Variants in CBFA2T3 observed in about 807,000 individuals in gnomAD.
CBFA2T3 encodes the protein CBFA2/RUNX1 partner transcriptional co-repressor 3, also known as transcriptional corepressor CBFA2T3.
Under a neutral mutation model 58.6 loss-of-function variants are expected in CBFA2T3, and 31 were observed. The observed-to-expected ratio is 0.53, with a 90% CI of 0.40 to 0.71. The LOEUF (loss-of-function observed/expected upper bound fraction) is 0.71. Among genes scored for constraint, CBFA2T3 ranks in the 30% least tolerant of loss-of-function variants. The pLI, the probability that CBFA2T3 is intolerant of heterozygous loss-of-function variation, is 0.00. For missense variants in CBFA2T3, 1,076 were observed against 963.1 expected (o/e 1.12, Z -1.55); for synonymous variants, 531 against 421.9 (o/e 1.26, Z -3.17).
chr16:88,975,720 T>C (rs552264876), intron 1 of CBFA2T3, among the ~76,000 whole-genome samples: 163 of 152,346 alleles, frequency 1.1e-3, no homozygotes, highest in Non-Finnish European at 2.0e-3. Context: ...GGGGCCCTTG[T>C]GGGGGATGGC....
At chr16:88,894,336 GCACACATGCACA>G (rs1969782203) in intron 3 of CBFA2T3, among the ~76,000 whole-genome samples, 1 of 31,090 alleles carries the variant, frequency 3.2e-5, no homozygotes, top group Admixed American at 4.0e-4. Context: ...ACACATGCAC[GCACACATGCACA>G]CACACATGCA....
chr16:88,942,864 T>C (rs1971790515), intron 1 of CBFA2T3, among the ~76,000 whole-genome samples: 1 of 150,242 alleles, frequency 6.7e-6, no homozygotes, highest in Non-Finnish European at 1.5e-5. Context: ...GTGCGTAACA[T>C]GGTGCTTGCC....
chr16:88,892,785 G>A (rs984420399), intron 3 of CBFA2T3, among the ~76,000 whole-genome samples: 7 of 152,200 alleles, frequency 4.6e-5, no homozygotes, highest in African/African-American at 1.7e-4. Flanking sequence ...CTTTGCCCCA[G>A]GTCCCCAATG....
intron 1 of CBFA2T3, among the ~76,000 whole-genome samples, chr16:88,956,407 G>T (rs1208315252): frequency 6.6e-6 from 1 of 152,254 alleles, no homozygotes; most frequent in Non-Finnish European, 1.5e-5. Flanking sequence ...AGGGCTCTCT[G>T]CTCTTTGAGC....
intron 5 of CBFA2T3, among the ~76,000 whole-genome samples, chr16:88,887,731 C>T (rs146038413): frequency 8.9e-4 from 136 of 152,190 alleles, no homozygotes; most frequent in African/African-American, 3.2e-3. Flanking sequence ...CCAGGGCACC[C>T]GGGGAGGTGT....
chr16:88,890,620 G>A (rs1176087866), intron 5 of CBFA2T3, among the ~76,000 whole-genome samples: 3 of 152,250 alleles, frequency 2.0e-5, no homozygotes, highest in Middle Eastern at 3.2e-3. Context: ...GACCCGCAGA[G>A]ATGGCAGTCT....
At position 88,875,989 on chromosome 16, in the gene CBFA2T3, C is replaced by T. The variant is rs754486873; in HGVS notation, c.*987G>A. ...AGAACAAAAGTCGCTTCTAACTGGG[C>T]ACAAACCCTCTGCACCCAAATATCC... On this transcript the variant is annotated 3_prime_UTR_variant, in exon 12 of 12. Transcript: ENST00000268679. 4.3e-6 allele frequency: 1 copy of T among 233,034 alleles called. No individual in the cohort carries two copies. Among genetic ancestry groups the T allele is most frequent in the South Asian group, 1.8e-4 (1 of 5,532 alleles). 14.4% of individuals were successfully genotyped at this position (233,034 alleles called of 1,614,324 possible). A position where few individuals can be genotyped will look rare whatever the true frequency, so the allele number is the denominator to read the frequency against.
chr16:88,945,224 C>G (rs1971872278), intron 1 of CBFA2T3, among the ~76,000 whole-genome samples: 1 of 152,124 alleles, frequency 6.6e-6, no homozygotes, highest in Non-Finnish European at 1.5e-5. Context: ...GTCTTAAACA[C>G]CTGCATTTTC....
chr16:88,938,975 G>C (rs927774279), intron 1 of CBFA2T3: 1 of 152,144 alleles, frequency 6.6e-6, no homozygotes, highest in African/African-American at 2.4e-5. Flanking sequence ...CCCAGAGGCG[G>C]CAGCGGCGAG....
chr16:88,959,357 G>A (rs756481670), intron 1 of CBFA2T3, among the ~76,000 whole-genome samples: 2 of 152,198 alleles, frequency 1.3e-5, no homozygotes, highest in African/African-American at 2.4e-5. Context: ...TCCTGGCGAT[G>A]ATGGTGGGCT....
At chr16:88,923,090 G>A (rs1435006668) in intron 1 of CBFA2T3, among the ~76,000 whole-genome samples, 1 of 152,282 alleles carries the variant, frequency 6.6e-6, no homozygotes, top group East Asian at 1.9e-4. Flanking sequence ...AATACCCCAC[G>A]TCTCCCCAAT....
At chr16:88,968,937 G>A (rs11076742) in intron 1 of CBFA2T3, among the ~76,000 whole-genome samples, 16,983 of 152,174 alleles carry the variant, frequency 0.11, 2,530 homozygotes, top group African/African-American at 0.34. Flanking sequence ...GGTCTGCAGC[G>A]CTGCAGGCCT....
chr16:88,951,261 C>T lies in CBFA2T3; in HGVS notation c.151+25396G>A, dbSNP rs763742796. On this transcript the variant is annotated intron_variant, in intron 1 of 11. Coordinates refer to ENST00000268679, the MANE Select transcript of CBFA2T3 (RefSeq NM_005187.6). ...GGTCAGAGTGTTGGCACCTGTCTTC[C>T]GGGTCTGTTCACCCGTCCCCTGGAC... 4.5e-5 allele frequency: 20 copies of T among 446,180 alleles called. No homozygotes were observed. The East Asian group carries it at 7.3e-4, about 16-fold the overall frequency. The allele number at this position is 446,180 out of a possible 1,614,324, so 27.6% of individuals were successfully genotyped here.
chr16:88,925,334 C>T (rs1567611887), intron 1 of CBFA2T3, among the ~76,000 whole-genome samples: 3 of 152,232 alleles, frequency 2.0e-5, no homozygotes, highest in South Asian at 2.1e-4. Context: ...CCCTCCTGAG[C>T]GGTGCCTTCC....
intron 1 of CBFA2T3, among the ~76,000 whole-genome samples, chr16:88,956,960 A>G (rs572485388): frequency 1.3e-5 from 2 of 150,038 alleles, no homozygotes; most frequent in African/African-American, 2.5e-5. Flanking sequence ...ACCACAGAAG[A>G]AGTGGCTCAC....
intron 3 of CBFA2T3, among the ~76,000 whole-genome samples, chr16:88,897,497 G>A (rs1180195570): frequency 2.0e-5 from 3 of 152,218 alleles, no homozygotes; most frequent in Admixed American, 6.5e-5. Flanking sequence ...CATGGGCCAC[G>A]CACGTTGACA....
At chr16:88,917,310 T>C (rs1436093511) in intron 1 of CBFA2T3, among the ~76,000 whole-genome samples, 1 of 151,950 alleles carries the variant, frequency 6.6e-6, no homozygotes, top group Non-Finnish European at 1.5e-5. Flanking sequence ...TTCTGAAGGC[T>C]GCGGAACTGG....
intron 3 of CBFA2T3, among the ~76,000 whole-genome samples, chr16:88,897,606 T>C (rs896824429): frequency 2.0e-5 from 3 of 152,208 alleles, no homozygotes; most frequent in Non-Finnish European, 2.9e-5. Flanking sequence ...CTAGGGGCCA[T>C]GATGACTTCC....
intron 9 of CBFA2T3, chr16:88,881,062 G>C (rs968923978): frequency 1.4e-6 from 1 of 707,744 alleles, no homozygotes. Context: ...CGGAGAAGCA[G>C]AGACCCTCAG....
Sources: allele counts gnomAD v4.1 joint callset (sites outside exome capture counted in the v4.1 genomes callset), GRCh38; gene constraint gnomAD v4.1.1; transcripts MANE v1.5; gene names NCBI Gene and HGNC (gene_info 2026-07-23, HGNC 2026-07-21).